Variants in SH3BGRL2 observed in about 807,000 individuals in gnomAD.
SH3BGRL2 encodes SH3 domain binding glutamate rich protein like 2.
SH3BGRL2 carries 21 observed loss-of-function variants against 14.8 expected under a neutral mutation model. That is an observed-to-expected ratio of 1.42 (90% CI 1.01 to 2.05). SH3BGRL2 has a LOEUF of 2.05. SH3BGRL2 is among the 30% of genes most tolerant of loss of function. SH3BGRL2 has a pLI of 0.00. For synonymous variants in SH3BGRL2, 50 were observed against 47.8 expected (o/e 1.05, Z -0.19); for missense variants, 147 against 130.8 (o/e 1.12, Z -0.61).
chr6:79,538,037 T>TG, the SH3BGRL2 span, among the ~76,000 whole-genome samples: 1 of 139,096 alleles, frequency 7.2e-6, no homozygotes, highest in Non-Finnish European at 1.5e-5. Flanking sequence ...TTTTTTTTTT[T>TG]TTTTTTTTTT....
At chr6:79,597,497 G>A in the SH3BGRL2 span, among the ~76,000 whole-genome samples, 1 of 152,024 alleles carries the variant, frequency 6.6e-6, no homozygotes, top group Non-Finnish European at 1.5e-5. Context: ...TTCAACAAGT[G>A]TGCTAAGATA....
intron 2 of SH3BGRL2, among the ~76,000 whole-genome samples, chr6:79,690,980 AT>A (rs958694224): frequency 4.6e-5 from 7 of 151,940 alleles, no homozygotes; most frequent in African/African-American, 1.5e-4. Flanking sequence ...GAATTTTTTG[AT>A]TTTTTTTCTA....
At chr6:79,543,291 G>A in the SH3BGRL2 span, among the ~76,000 whole-genome samples, 1 of 152,064 alleles carries the variant, frequency 6.6e-6, no homozygotes, top group South Asian at 2.1e-4. Context: ...TTGACACCTA[G>A]TATATATTTT....
At chr6:79,667,065 TAAAAG>T (rs1166967162) in intron 1 of SH3BGRL2, among the ~76,000 whole-genome samples, 2 of 152,212 alleles carry the variant, frequency 1.3e-5, no homozygotes, top group Admixed American at 6.5e-5. Context: ...TGGGTTCTAT[TAAAAG>T]AAAAGCTTTA....
chr6:79,551,298 G>A, the SH3BGRL2 span, among the ~76,000 whole-genome samples: 10 of 152,152 alleles, frequency 6.6e-5, no homozygotes, highest in African/African-American at 2.4e-4. Context: ...AAGAGCAGTA[G>A]ACAGTATTGC....
In SH3BGRL2 at chr6:79,702,888, C is replaced by T. The variant is rs1770494351; in HGVS notation, c.*3379C>T. ...AAGACAAGGGCAGAGTGGCTGCGGC[C>T]CCTATTACCTTTGTAGCAGCCACAT... On this transcript the variant is annotated 3_prime_UTR_variant, in exon 4 of 4. Transcript: ENST00000369838. 1 of 152,170 alleles carries T rather than the reference C, an allele frequency of 6.6e-6. No individual in the cohort carries two copies. The highest frequency in any genetic ancestry group is 6.5e-5 in the Admixed American group (1 of 15,272). 9.4% of individuals were successfully genotyped at this position (152,170 alleles called of 1,614,324 possible). A position where few individuals can be genotyped will look rare whatever the true frequency, so the allele number is the denominator to read the frequency against.
the SH3BGRL2 span, among the ~76,000 whole-genome samples, chr6:79,571,340 A>G: frequency 4.4e-3 from 668 of 152,332 alleles, 9 homozygotes; most frequent in African/African-American, 0.015. Context: ...AATCAGGATT[A>G]TTTTTAAGAT....
chr6:79,555,952 A>G, the SH3BGRL2 span, among the ~76,000 whole-genome samples: 1 of 152,212 alleles, frequency 6.6e-6, no homozygotes, highest in Non-Finnish European at 1.5e-5. Context: ...TTCCCAAATC[A>G]AAGAAAACAG....
At chr6:79,684,336 C>G (rs937524835) in intron 2 of SH3BGRL2, among the ~76,000 whole-genome samples, 102 of 151,996 alleles carry the variant, frequency 6.7e-4, no homozygotes, top group African/African-American at 2.4e-3. Context: ...TCCCTCATGC[C>G]CAGCAAACTT....
chr6:79,626,771 C>G (rs1015464099), upstream of SH3BGRL2, among the ~76,000 whole-genome samples: 3 of 152,146 alleles, frequency 2.0e-5, no homozygotes, highest in Non-Finnish European at 2.9e-5. Context: ...TGGTGCCCAC[C>G]CTATGCACAA....
At chr6:79,594,042 CA>C in the SH3BGRL2 span, among the ~76,000 whole-genome samples, 1 of 150,020 alleles carries the variant, frequency 6.7e-6, no homozygotes, top group African/African-American at 2.4e-5. Flanking sequence ...AAAAAAAACC[CA>C]AAAACTTCAG....
intron 1 of SH3BGRL2, among the ~76,000 whole-genome samples, chr6:79,641,174 G>C (rs967979033): frequency 6.6e-6 from 1 of 150,548 alleles, no homozygotes; most frequent in Admixed American, 6.6e-5. Flanking sequence ...GTGTGTGTGT[G>C]TGTGTGTGTG....
the SH3BGRL2 span, among the ~76,000 whole-genome samples, chr6:79,596,022 T>A: frequency 6.6e-6 from 1 of 152,180 alleles, no homozygotes; most frequent in African/African-American, 2.4e-5. Context: ...GATTTATAGA[T>A]AGTAACAATA....
chr6:79,612,347 A>G, the SH3BGRL2 span, among the ~76,000 whole-genome samples: 1 of 152,166 alleles, frequency 6.6e-6, no homozygotes, highest in Non-Finnish European at 1.5e-5. Context: ...ATGGGAGAGA[A>G]CAAACATGTG....
At chr6:79,647,461 G>A (rs1383298745) in intron 1 of SH3BGRL2, among the ~76,000 whole-genome samples, 1 of 152,008 alleles carries the variant, frequency 6.6e-6, no homozygotes, top group Non-Finnish European at 1.5e-5. Flanking sequence ...CAACTCCTAT[G>A]TATTTATGAA....
At chr6:79,575,245 C>G in the SH3BGRL2 span, 3 of 152,158 alleles carry the variant, frequency 2.0e-5, no homozygotes, top group African/African-American at 7.2e-5. Flanking sequence ...TTCCTCCCAC[C>G]TAACTGAAAT....
chr6:79,624,716 C>T, the SH3BGRL2 span, among the ~76,000 whole-genome samples: 1 of 152,192 alleles, frequency 6.6e-6, no homozygotes, highest in Non-Finnish European at 1.5e-5. Context: ...GCAGCTGTGC[C>T]AGTCACCTCT....
the SH3BGRL2 span, among the ~76,000 whole-genome samples, chr6:79,540,891 A>G: frequency 6.6e-6 from 1 of 152,218 alleles, no homozygotes; most frequent in Non-Finnish European, 1.5e-5. Flanking sequence ...AGGTAGGATC[A>G]AGTGGAAGGG....
chr6:79,669,145 C>T (rs1469360026), intron 1 of SH3BGRL2, among the ~76,000 whole-genome samples: 2 of 152,142 alleles, frequency 1.3e-5, no homozygotes, highest in East Asian at 1.9e-4. Context: ...GCCTCCTGCA[C>T]GCTGGTCCTT....
Sources: allele counts gnomAD v4.1 joint callset (sites outside exome capture counted in the v4.1 genomes callset), GRCh38; gene constraint gnomAD v4.1.1; transcripts MANE v1.5; gene names NCBI Gene and HGNC (gene_info 2026-07-23, HGNC 2026-07-21).